ASTN2: variants seen among roughly 807,000 people sequenced by gnomAD.
The protein encoded by ASTN2 is astrotactin 2.
Under a neutral mutation model 139.8 loss-of-function variants are expected in ASTN2, and 54 were observed. The ratio of observed to expected loss-of-function variants is 0.39; its 90% CI spans 0.31 to 0.48. ASTN2 has a LOEUF of 0.48. Ranked by LOEUF, ASTN2 falls within the 20% of genes least tolerant of loss-of-function variation. ASTN2 has a pLI of 0.95. For synonymous variants in ASTN2, 756 were observed against 719.5 expected (o/e 1.05, Z -0.81); for missense variants, 1,565 against 1,725.1 (o/e 0.91, Z 1.64).
At chr9:116,983,715 G>T (rs539342947) in intron 7 of ASTN2, among the ~76,000 whole-genome samples, 13 of 152,326 alleles carry the variant, frequency 8.5e-5, no homozygotes, top group African/African-American at 2.2e-4. Context: ...TCAATGGGAT[G>T]ATGAGAGCCA....
intron 6 of ASTN2, among the ~76,000 whole-genome samples, chr9:117,037,746 A>G (rs911286323): frequency 6.6e-6 from 1 of 152,204 alleles, no homozygotes; most frequent in Non-Finnish European, 1.5e-5. Context: ...ATTCTGTAGA[A>G]TTTAATACTT....
rs138110545 is a variant in ASTN2, at chr9:116,674,908, T to C, written c.2807-23115A>G. ...TCCCCAAATGCTCAGGGAGACTGAT[T>C]TGAGTAATAATAAAACTCCAGTCTT... is the stretch of plus-strand genomic sequence containing the variant. On this transcript the variant is annotated intron_variant, in intron 16 of 22. Coordinates refer to ENST00000313400, the MANE Select transcript of ASTN2 (RefSeq NM_001365068.1). Among the ~76,000 whole-genome samples the C allele has an allele frequency of 4.6e-3, 699 of 152,288 alleles. 3 individuals are homozygous for C. The highest frequency in any genetic ancestry group is 0.016 in the African/African-American group (667 of 41,552).
At chr9:116,983,475 C>A (rs1187594841) in intron 7 of ASTN2, among the ~76,000 whole-genome samples, 2 of 152,196 alleles carry the variant, frequency 1.3e-5, no homozygotes, top group African/African-American at 2.4e-5. Context: ...AGGGCCAGGT[C>A]TCCAAAGCTC....
chr9:117,040,062 A>G, intron 5 of ASTN2, 97 bp from the exon 6 acceptor site: 1 of 1,347,830 alleles, frequency 7.4e-7, no homozygotes, highest in Non-Finnish European at 1.0e-6. Flanking sequence ...CCAGTTGGGA[A>G]TCTGAAAAAA....
At chr9:117,001,208 G>A (rs1837182065) in intron 7 of ASTN2, among the ~76,000 whole-genome samples, 1 of 152,276 alleles carries the variant, frequency 6.6e-6, no homozygotes, top group African/African-American at 2.4e-5. Flanking sequence ...ATGATAACCA[G>A]TGCTTTGACT....
intron 1 of ASTN2, among the ~76,000 whole-genome samples, chr9:117,390,653 A>G (rs572938411): frequency 1.3e-5 from 2 of 152,196 alleles, no homozygotes; most frequent in African/African-American, 4.8e-5. Context: ...AGGCTCCTCC[A>G]TGTCTTTTTG....
At chr9:116,535,136 G>A (rs917905795) in intron 19 of ASTN2, among the ~76,000 whole-genome samples, 3 of 152,060 alleles carry the variant, frequency 2.0e-5, no homozygotes, top group African/African-American at 7.2e-5. Context: ...TGTCTCTTTT[G>A]ATCTTTATTG....
At chr9:117,171,731 A>G (rs1022515383) in intron 3 of ASTN2, among the ~76,000 whole-genome samples, 22 of 151,772 alleles carry the variant, frequency 1.4e-4, no homozygotes. Flanking sequence ...CTCCTTCTTC[A>G]CCTTCGGCCA....
intron 19 of ASTN2, among the ~76,000 whole-genome samples, chr9:116,545,442 A>G (rs1852052770): frequency 2.0e-5 from 3 of 152,230 alleles, no homozygotes; most frequent in Admixed American, 2.0e-4. Flanking sequence ...TCAAAGCAGT[A>G]GAATCCACCT....
intron 1 of ASTN2, among the ~76,000 whole-genome samples, chr9:117,302,106 T>C (rs1834891486): frequency 7.5e-6 from 1 of 133,472 alleles, no homozygotes; most frequent in Admixed American, 7.6e-5. Context: ...GGAGGGGGGG[T>C]GACAGTACCA....
chr9:117,262,462 G>T (rs753107481), intron 2 of ASTN2, among the ~76,000 whole-genome samples: 3 of 149,066 alleles, frequency 2.0e-5, no homozygotes, highest in Non-Finnish European at 4.5e-5. Context: ...TTTTAATAAA[G>T]ACCTAGTTTT....
intron 22 of ASTN2, 100 bp from the exon 23 acceptor site, chr9:116,426,188 A>T: frequency 6.9e-7 from 1 of 1,444,086 alleles, no homozygotes; most frequent in Admixed American, 1.8e-5. Context: ...ACTTCTCCCA[A>T]CCATTTCCTA....
At chr9:116,845,651 CA>C (rs754864349) in intron 11 of ASTN2, among the ~76,000 whole-genome samples, 23 of 152,170 alleles carry the variant, frequency 1.5e-4, no homozygotes, top group Non-Finnish European at 3.4e-4. Context: ...ATTAGTGAAT[CA>C]TTAGCGAAAT....
chr9:116,600,816 C>T (rs1390597649), intron 19 of ASTN2, among the ~76,000 whole-genome samples: 1 of 152,100 alleles, frequency 6.6e-6, no homozygotes, highest in Non-Finnish European at 1.5e-5. Flanking sequence ...GGCCACTGTG[C>T]GTGCTGTTTC....
intron 19 of ASTN2, among the ~76,000 whole-genome samples, chr9:116,576,541 G>A (rs960258128): frequency 1.3e-5 from 2 of 152,182 alleles, no homozygotes; most frequent in African/African-American, 4.8e-5. Context: ...GGCTGGCACT[G>A]CCACAGGGAG....
intron 16 of ASTN2, among the ~76,000 whole-genome samples, chr9:116,656,892 G>A (rs1858250364): frequency 6.6e-6 from 1 of 152,160 alleles, no homozygotes; most frequent in African/African-American, 2.4e-5. Flanking sequence ...TCCCTAGTCA[G>A]ACAGGCTTGC....
At chr9:116,872,406 G>A (rs1361245064) in intron 10 of ASTN2, among the ~76,000 whole-genome samples, 1 of 152,164 alleles carries the variant, frequency 6.6e-6, no homozygotes. Context: ...CAAGAACCAT[G>A]CCTTGAGAAT....
At chr9:117,206,039 T>C (rs114174101) in intron 3 of ASTN2, among the ~76,000 whole-genome samples, 154 of 152,234 alleles carry the variant, frequency 1.0e-3, no homozygotes, top group African/African-American at 3.6e-3. Context: ...AAAAGTCCAA[T>C]GTGAGGGGAG....
Position 116,679,143 on chromosome 9 carries a change from A to ATT in ASTN2, c.2807-27352_2807-27351dup, listed in dbSNP as rs1235731466. Among the ~76,000 whole-genome samples, 3 of 152,270 alleles carry ATT rather than the reference A, an allele frequency of 2.0e-5. No homozygotes were observed. In the East Asian group the frequency reaches 5.8e-4, roughly 29 times the overall value. ...CTTTTTAAAAATTTTTGAAGTTATC[A>ATT]TTTTGGCCAAATGAATTAGTTATGG... is the stretch of plus-strand genomic sequence containing the variant. On this transcript the variant is annotated intron_variant, in intron 16 of 22. Transcript: ENST00000313400.
Sources: allele counts gnomAD v4.1 joint callset (sites outside exome capture counted in the v4.1 genomes callset), GRCh38; gene constraint gnomAD v4.1.1; transcripts MANE v1.5; gene names NCBI Gene and HGNC (gene_info 2026-07-23, HGNC 2026-07-21).